The following DOCK5 variants were observed in gnomAD, a reference collection of about 807,000 sequenced individuals.
The protein encoded by DOCK5 is dedicator of cytokinesis protein 5.
In DOCK5, 142 loss-of-function variants were observed where a neutral mutation model predicts 251.8. The observed-to-expected ratio is 0.56, with a 90% confidence interval of 0.49 to 0.65. The LOEUF is 0.65. Among genes scored for constraint, DOCK5 ranks in the 30% least tolerant of loss-of-function variants. The probability of loss-of-function intolerance (pLI) is 0.00; values close to 1 mark genes in which losing one functional copy is unlikely to be tolerated. For synonymous variants in DOCK5, 842 were observed against 835.5 expected (o/e 1.01, Z -0.13); for missense variants, 2,111 against 2,312.3 (o/e 0.91, Z 1.79).
At chr8:25,278,780 C>T (rs1804112518) in intron 5 of DOCK5, 115 bp downstream of exon 5, 3 of 921,246 alleles carry the variant, frequency 3.3e-6, no homozygotes, top group Admixed American at 2.1e-5. Flanking sequence ...ATGCATTCTC[C>T]CTGGATCACA....
chr8:25,222,219 A>C (rs184138859), intron 1 of DOCK5, among the ~76,000 whole-genome samples: 1 of 152,282 alleles, frequency 6.6e-6, no homozygotes, highest in African/African-American at 2.4e-5. Flanking sequence ...TTTGCTTTCT[A>C]GGGTGGCTAT....
intron 34 of DOCK5, among the ~76,000 whole-genome samples, chr8:25,372,022 C>T (rs1012478204): frequency 6.6e-6 from 1 of 152,222 alleles, no homozygotes; most frequent in African/African-American, 2.4e-5. Flanking sequence ...CTGAAGCTAA[C>T]ACTTTTATCT....
chr8:25,313,227 T>A (rs1805149244), intron 13 of DOCK5, among the ~76,000 whole-genome samples: 1 of 152,080 alleles, frequency 6.6e-6, no homozygotes, highest in South Asian at 2.1e-4. Flanking sequence ...TTGACTCTCG[T>A]CTTCAGCATC....
chr8:25,405,877 T>C (rs1801513907), intron 48 of DOCK5, among the ~76,000 whole-genome samples: 3 of 152,228 alleles, frequency 2.0e-5, no homozygotes, highest in Non-Finnish European at 2.9e-5. Flanking sequence ...AAGAAAACAA[T>C]GCTTTATTAC....
chr8:25,413,528 G>A lies in DOCK5; in HGVS notation c.*2230G>A, dbSNP rs1027248921. On this transcript the variant is annotated 3_prime_UTR_variant, in exon 52 of 52. Transcript: ENST00000276440. ...CTTCTGAGAAGTCACCCAGCAGACC[G>A]GCTAGAGGGGATTTGTGTGCCACAC... 6.6e-5 allele frequency: 10 copies of A among 152,186 alleles called. No individual in the cohort carries two copies. Among genetic ancestry groups the A allele is most frequent in the South Asian group, 2.1e-4 (1 of 4,820 alleles). 9.4% of individuals were successfully genotyped at this position (152,186 alleles called of 1,614,324 possible).
At chr8:25,389,003 A>C in intron 40 of DOCK5, 88 bp from the exon 41 acceptor site, 1 of 1,267,356 alleles carries the variant, frequency 7.9e-7, no homozygotes, top group Admixed American at 2.1e-5. Flanking sequence ...TTGGCTGGGG[A>C]GTGCAGTGGC....
intron 5 of DOCK5, among the ~76,000 whole-genome samples, chr8:25,286,626 G>A (rs544268065): frequency 1.4e-5 from 2 of 143,704 alleles, no homozygotes; most frequent in Admixed American, 6.7e-5. Flanking sequence ...CCAGAGAAAG[G>A]GTTTTTGACT....
At chr8:25,293,495 A>C (rs918038434) in intron 6 of DOCK5, among the ~76,000 whole-genome samples, 1 of 152,210 alleles carries the variant, frequency 6.6e-6, no homozygotes, top group Non-Finnish European at 1.5e-5. Flanking sequence ...TTATGGATAA[A>C]GAAACAGACC....
At chr8:25,188,350 A>G (rs896773644) in intron 1 of DOCK5, among the ~76,000 whole-genome samples, 19 of 152,226 alleles carry the variant, frequency 1.2e-4, no homozygotes, top group African/African-American at 2.4e-5. Context: ...TGTACTGGTC[A>G]GATTTGGTTT....
chr8:25,278,460 G>A, intron 4 of DOCK5, 109 bp from the exon 5 acceptor site: 1 of 1,039,630 alleles, frequency 9.6e-7, no homozygotes, highest in Non-Finnish European at 1.5e-6. Flanking sequence ...CTGCCCCCAG[G>A]CCTAACCAGC....
At chr8:25,328,239 C>CA (rs796609217) in intron 18 of DOCK5, among the ~76,000 whole-genome samples, 1 of 151,602 alleles carries the variant, frequency 6.6e-6, no homozygotes, top group South Asian at 2.1e-4. Context: ...ATAACACATA[C>CA]AAAAAAAGTC....
chr8:25,389,444 C>T (rs554034310), intron 41 of DOCK5, among the ~76,000 whole-genome samples: 1 of 152,166 alleles, frequency 6.6e-6, no homozygotes, highest in Non-Finnish European at 1.5e-5. Context: ...AGATAATAGA[C>T]AAATGATGGA....
chr8:25,376,139 C>G (rs1410892334), intron 37 of DOCK5: 1 of 974,022 alleles, frequency 1.0e-6, no homozygotes, highest in Non-Finnish European at 1.2e-6. Flanking sequence ...CTGTATATAG[C>G]TTAGAAAGTG....
intron 39 of DOCK5, among the ~76,000 whole-genome samples, chr8:25,382,301 A>T (rs374475861): frequency 9.9e-5 from 15 of 152,136 alleles, no homozygotes; most frequent in East Asian, 5.8e-4. Flanking sequence ...ATCTTCTCCC[A>T]TGGGTGTCTG....
chr8:25,251,992 CAAAAA>C (rs35842362), intron 2 of DOCK5, among the ~76,000 whole-genome samples: 3 of 136,296 alleles, frequency 2.2e-5, no homozygotes, highest in Non-Finnish European at 3.2e-5. Flanking sequence ...GACTCTATCT[CAAAAA>C]AAAAAAAAAA....
chr8:25,292,259 G>A (rs1804512211), intron 6 of DOCK5, 87 bp downstream of exon 6: 3 of 1,365,466 alleles, frequency 2.2e-6, no homozygotes, highest in Admixed American at 3.0e-5. Flanking sequence ...AGCGACCTTT[G>A]ATCTTAGAGT....
chr8:25,388,983 G>A (rs190484108), intron 40 of DOCK5, 108 bp from the exon 41 acceptor site: 3 of 1,001,872 alleles, frequency 3.0e-6, no homozygotes, highest in East Asian at 5.2e-5. Context: ...TTGATGGTGG[G>A]GATTGAACGT....
intron 5 of DOCK5, among the ~76,000 whole-genome samples, chr8:25,291,571 T>TCCTGA (rs1804487509): frequency 6.6e-6 from 1 of 151,592 alleles, no homozygotes; most frequent in Non-Finnish European, 1.5e-5. Flanking sequence ...TAGTCCCAGC[T>TCCTGA]ATTCAGGAGG....
chr8:25,239,468 A>C (rs1802888821), intron 1 of DOCK5, among the ~76,000 whole-genome samples: 1 of 151,762 alleles, frequency 6.6e-6, no homozygotes. Flanking sequence ...CGGAACCAGG[A>C]AGAGGTGAAG....
Sources: gnomAD v4.1 joint callset for allele counts (sites outside exome capture counted in the v4.1 genomes callset) on GRCh38, gnomAD v4.1.1 for gene constraint, MANE v1.5 for transcripts, NCBI Gene and HGNC (gene_info 2026-07-23, HGNC 2026-07-21) for gene names.